DOK5: variants seen among roughly 807,000 people sequenced by gnomAD.
The protein encoded by DOK5 is downstream of tyrosine kinase 5.
A neutral mutation model predicts 43.3 loss-of-function variants in DOK5; 27 were observed. That is an observed-to-expected ratio of 0.62 (90% CI 0.46 to 0.86). DOK5 has a LOEUF of 0.86. Ranked by LOEUF, DOK5 falls within the 40% of genes least tolerant of loss-of-function variation. The pLI, the probability that DOK5 is intolerant of heterozygous loss-of-function variation, is 0.00. For synonymous variants in DOK5, 146 were observed against 140.1 expected, an observed-to-expected ratio of 1.04 and a Z score of -0.30; for missense variants, 373 against 392.9, an observed-to-expected ratio of 0.95 and a Z score of 0.43.
intron 7 of DOK5, among the ~76,000 whole-genome samples, chr20:54,646,115 G>A (rs539509490): frequency 4.6e-5 from 7 of 151,918 alleles, no homozygotes; most frequent in Non-Finnish European, 1.0e-4. Context: ...TGCAATATTT[G>A]AGTTATATCA....
intron 2 of DOK5, among the ~76,000 whole-genome samples, chr20:54,566,948 G>A (rs919529997): frequency 6.6e-6 from 1 of 152,088 alleles, no homozygotes; most frequent in South Asian, 2.1e-4. Flanking sequence ...ATTCCCTGGT[G>A]GCTAATGATG....
chr20:54,556,597 A>G (rs561515244), intron 2 of DOK5, among the ~76,000 whole-genome samples: 2 of 152,216 alleles, frequency 1.3e-5, no homozygotes, highest in Admixed American at 6.5e-5. Flanking sequence ...TGCTATAAGG[A>G]TGACTTGCTT....
chr20:54,541,203 C>T (rs1984147495), intron 1 of DOK5, among the ~76,000 whole-genome samples: 1 of 152,170 alleles, frequency 6.6e-6, no homozygotes, highest in South Asian at 2.1e-4. Flanking sequence ...ATTATAATTT[C>T]ACAATATGTC....
chr20:54,516,292 G>T (rs1983194778), intron 1 of DOK5, among the ~76,000 whole-genome samples: 1 of 152,068 alleles, frequency 6.6e-6, no homozygotes, highest in Non-Finnish European at 1.5e-5. Flanking sequence ...AATGATGTGG[G>T]GGTTGTTTTA....
At chr20:54,579,476 C>T (rs1248292475) in intron 2 of DOK5, among the ~76,000 whole-genome samples, 2 of 151,980 alleles carry the variant, frequency 1.3e-5, no homozygotes, top group Non-Finnish European at 2.9e-5. Flanking sequence ...ATTACATGTA[C>T]ATTGTTTTAT....
intron 1 of DOK5, among the ~76,000 whole-genome samples, chr20:54,522,455 C>T (rs1375810956): frequency 1.3e-5 from 2 of 152,016 alleles, no homozygotes; most frequent in African/African-American, 4.8e-5. Flanking sequence ...TGAAAACACG[C>T]TCCATGAGGG....
rs535564576 is a variant in DOK5, at chr20:54,584,032, C to T, written c.175-4451C>T. Reference sequence around the variant, plus strand: ...GAGCACGGTGGTGCACACCTATAGTCTCAGCTGCTCAGAAGGCTGAGGCAG... The same window carrying T: ...GAGCACGGTGGTGCACACCTATAGTTTCAGCTGCTCAGAAGGCTGAGGCAG... On this transcript the variant is annotated intron_variant, in intron 2 of 7. Coordinates refer to ENST00000262593, the MANE Select transcript of DOK5 (RefSeq NM_018431.5). 1.2e-3 allele frequency among the ~76,000 whole-genome samples: 181 copies of T among 151,750 alleles called. 1 individual carries two copies. Among genetic ancestry groups the T allele is most frequent in the South Asian group, 6.7e-3 (32 of 4,798 alleles).
chr20:54,617,428 C>T (rs778247981), intron 6 of DOK5, among the ~76,000 whole-genome samples: 4 of 152,134 alleles, frequency 2.6e-5, no homozygotes, highest in African/African-American at 9.7e-5. Context: ...CCTCCTCCCA[C>T]CTCAGCCTCC....
chr20:54,594,690 A>G (rs1158649592), intron 5 of DOK5, among the ~76,000 whole-genome samples: 1 of 152,120 alleles, frequency 6.6e-6, no homozygotes, highest in Non-Finnish European at 1.5e-5. Context: ...TTTTTTATTT[A>G]CCATTTACAG....
chr20:54,623,939 C>A (rs143989035), intron 6 of DOK5, among the ~76,000 whole-genome samples: 12 of 152,234 alleles, frequency 7.9e-5, no homozygotes, highest in Non-Finnish European at 1.8e-4. Flanking sequence ...AGAGACTCAC[C>A]TTGAAGCAAT....
At chr20:54,518,599 C>T (rs1983283832) in intron 1 of DOK5, among the ~76,000 whole-genome samples, 1 of 152,158 alleles carries the variant, frequency 6.6e-6, no homozygotes, top group Non-Finnish European at 1.5e-5. Flanking sequence ...GTGCATGTGT[C>T]TTTATAGCAG....
At chr20:54,592,004 CT>C (rs1447663875) in intron 5 of DOK5, among the ~76,000 whole-genome samples, 199 bp downstream of exon 5, 1 of 152,154 alleles carries the variant, frequency 6.6e-6, no homozygotes, top group South Asian at 2.1e-4. Flanking sequence ...CTTTTCTCCC[CT>C]GTGGAAGATT....
chr20:54,475,661 T>A lies in DOK5; in HGVS notation c.-286T>A. 2.0e-6 allele frequency: 1 copy of A among 508,724 alleles called. No individual in the cohort carries two copies. The highest frequency in any genetic ancestry group is 3.5e-6 in the Non-Finnish European group (1 of 284,288). The allele number at this position is 508,724 out of a possible 1,614,324, so 31.5% of individuals were successfully genotyped here. ...CCTCAGCCGCCGCCGCTCCTCCTCC[T>A]GGCAGGCCGGCCGCGGAGTCAGCTG... is the stretch of plus-strand genomic sequence containing the variant. On this transcript the variant is annotated 5_prime_UTR_variant, in exon 1 of 8. Transcript: ENST00000262593. This position sits in a 1 kb window ranked among gnomAD's most constrained non-coding sequence, Gnocchi z 4.2.
At chr20:54,596,231 T>C (rs1986137085) in intron 5 of DOK5, among the ~76,000 whole-genome samples, 1 of 152,258 alleles carries the variant, frequency 6.6e-6, no homozygotes, top group Non-Finnish European at 1.5e-5. Flanking sequence ...GTTTTTTCCT[T>C]GGCTATTTTT....
intron 1 of DOK5, among the ~76,000 whole-genome samples, chr20:54,527,569 C>T (rs1234224660): frequency 6.6e-6 from 1 of 152,078 alleles, no homozygotes; most frequent in African/African-American, 2.4e-5. Flanking sequence ...TTGTTATTTC[C>T]CCAAAATGGA....
chr20:54,500,604 C>A (rs942585350), intron 1 of DOK5, among the ~76,000 whole-genome samples: 2 of 144,048 alleles, frequency 1.4e-5, no homozygotes, highest in Admixed American at 6.8e-5. Context: ...TCTTGTTGCC[C>A]GGGCTGGAGT....
intron 2 of DOK5, among the ~76,000 whole-genome samples, chr20:54,578,833 C>A (rs1425370927): frequency 1.3e-5 from 2 of 152,132 alleles, no homozygotes; most frequent in African/African-American, 4.8e-5. Flanking sequence ...GGAATACAAT[C>A]ATGAAATGGG....
chr20:54,599,527 G>A (rs138963659), intron 5 of DOK5, among the ~76,000 whole-genome samples: 28 of 152,278 alleles, frequency 1.8e-4, no homozygotes, highest in African/African-American at 6.3e-4. Context: ...TAAGTGAGAG[G>A]TATGAAGACA....
At chr20:54,515,136 G>A (rs781621140) in intron 1 of DOK5, among the ~76,000 whole-genome samples, 7 of 151,690 alleles carry the variant, frequency 4.6e-5, no homozygotes, top group Non-Finnish European at 1.0e-4. Flanking sequence ...TTAGCCTCCC[G>A]AGTAGCTGGG....
Sources: gnomAD v4.1 joint callset for allele counts (sites outside exome capture counted in the v4.1 genomes callset) on GRCh38, gnomAD v4.1.1 for gene constraint, Gnocchi (gnomAD v3.1) non-coding constraint, MANE v1.5 for transcripts, NCBI Gene and HGNC (gene_info 2026-07-23, HGNC 2026-07-21) for gene names.